CHN1: variants seen among roughly 807,000 people sequenced by gnomAD.
The protein encoded by CHN1 is chimerin 1, also known as N-chimaerin.
In CHN1, 37 loss-of-function variants were observed where a neutral mutation model predicts 59.5. That is an observed-to-expected ratio of 0.62 (90% CI 0.48 to 0.82). CHN1 has a LOEUF of 0.82. Among genes scored for constraint, CHN1 ranks in the 40% least tolerant of loss-of-function variants. The pLI is 0.00. For missense variants in CHN1, 469 were observed against 571.0 expected (o/e 0.82, Z 1.82); for synonymous variants, 206 against 200.4 (o/e 1.03, Z -0.24).
chr2:174,962,920 T>A (rs1023942931), intron 1 of CHN1, among the ~76,000 whole-genome samples: 23 of 152,158 alleles, frequency 1.5e-4, no homozygotes, highest in Admixed American at 2.0e-4. Flanking sequence ...AAAAAATAAT[T>A]ATTATTATTA....
Position 174,968,556 on chromosome 2 carries a change from G to A in CHN1, c.20-16354C>T, listed in dbSNP as rs532496448. ...ATACACAACAGAATAAGTTGCCAAG[G>A]GGCAAAAACTCTTTATAAATGAGAA... On this transcript the variant is annotated intron_variant, in intron 1 of 12. Transcript: ENST00000409900. Among the ~76,000 whole-genome samples, 3 of 152,344 alleles carry A rather than the reference G, an allele frequency of 2.0e-5. 1 individual carries two copies. The South Asian group carries it at 6.2e-4, about 32-fold the overall frequency.
chr2:174,977,624 G>C (rs1690990164), intron 1 of CHN1, among the ~76,000 whole-genome samples: 1 of 152,176 alleles, frequency 6.6e-6, no homozygotes, highest in Admixed American at 6.5e-5. Context: ...TCTTTTGTTT[G>C]ATTTTTATGT....
intron 1 of CHN1, among the ~76,000 whole-genome samples, chr2:174,998,312 A>AAAC (rs1447921875): frequency 6.7e-6 from 1 of 150,304 alleles, no homozygotes; most frequent in African/African-American, 2.5e-5. Context: ...CAAAAAAAAA[A>AAAC]AAAAAAAAAA....
In CHN1 at chr2:175,002,363, T is replaced by A. The variant is rs561139080; in HGVS notation, c.19+2531A>T. Reference sequence around the variant, plus strand: ...ATAAAACTAATATGCATTAAAAATATGTTAAGCAGCAAAGGTGATTAACAG... The same window carrying A: ...ATAAAACTAATATGCATTAAAAATAAGTTAAGCAGCAAAGGTGATTAACAG... On this transcript the variant is annotated intron_variant, in intron 1 of 12. Transcript: ENST00000409900. 5.3e-5 allele frequency among the ~76,000 whole-genome samples: 8 copies of A among 152,338 alleles called. No homozygotes were observed. In the South Asian group the frequency reaches 1.7e-3, roughly 32 times the overall value.
intron 6 of CHN1, among the ~76,000 whole-genome samples, chr2:174,849,201 A>C (rs1686646254): frequency 1.3e-5 from 2 of 152,328 alleles, no homozygotes; most frequent in African/African-American, 4.8e-5. Flanking sequence ...CTACAGCTAT[A>C]GTTACTAAAA....
In CHN1 at chr2:174,808,972, C is replaced by G; in HGVS notation, c.1035G>C (p.Leu345=). Residue 345 remains leucine, a synonymous_variant, in exon 11 of 13, where the codon CTG becomes CTC. Coordinates refer to ENST00000409900, the MANE Select transcript of CHN1 (RefSeq NM_001822.7). ...GTGGAATTGGCAAATCCCTGAAGTA[C>G]AGTTTAAGTGCACCAGTGATAATGT... ...DINIITGALK[L]YFRDLPIPLI... 1.2e-6 allele frequency: 2 copies of G among 1,613,414 alleles called. No individual in the cohort carries two copies. Among genetic ancestry groups the G allele is most frequent in the Non-Finnish European group, 1.7e-6 (2 of 1,179,468 alleles).
chr2:174,961,157 G>C (rs1400279216), intron 1 of CHN1, among the ~76,000 whole-genome samples: 12 of 141,854 alleles, frequency 8.5e-5, no homozygotes, highest in Non-Finnish European at 1.8e-4. Flanking sequence ...GAGGGAGGGA[G>C]GCAGGGAGGG....
At chr2:174,928,229 G>A (rs1380732414) in intron 3 of CHN1, among the ~76,000 whole-genome samples, 1 of 152,094 alleles carries the variant, frequency 6.6e-6, no homozygotes, top group Non-Finnish European at 1.5e-5. Flanking sequence ...CTGCCTCGTG[G>A]CTTAGGAAAA....
At chr2:174,879,293 A>C (rs1431282913) in intron 5 of CHN1, among the ~76,000 whole-genome samples, 1 of 152,226 alleles carries the variant, frequency 6.6e-6, no homozygotes, top group Non-Finnish European at 1.5e-5. Flanking sequence ...TAAAGTATGG[A>C]AAGGAAATAA....
intron 1 of CHN1, among the ~76,000 whole-genome samples, chr2:174,983,565 C>T (rs1280723556): frequency 6.6e-6 from 1 of 152,028 alleles, no homozygotes; most frequent in African/African-American, 2.4e-5. Context: ...CACGGTGGCT[C>T]ATGCTTGTAA....
chr2:174,878,835 T>G (rs1687651707), intron 5 of CHN1, among the ~76,000 whole-genome samples: 1 of 152,268 alleles, frequency 6.6e-6, no homozygotes, highest in African/African-American at 2.4e-5. Context: ...GTTTTCAATT[T>G]TATGTTCTGA....
intron 11 of CHN1, among the ~76,000 whole-genome samples, chr2:174,806,603 G>T (rs1684892718): frequency 6.6e-6 from 1 of 152,186 alleles, no homozygotes. Context: ...CCTTAGAGGT[G>T]TGTGTGAATG....
chr2:174,897,321 G>A (rs1335478418), intron 5 of CHN1, among the ~76,000 whole-genome samples: 1 of 152,128 alleles, frequency 6.6e-6, no homozygotes, highest in Non-Finnish European at 1.5e-5. Flanking sequence ...TGGCAGAGCA[G>A]AAGCCTGTCC....
intron 7 of CHN1, among the ~76,000 whole-genome samples, chr2:174,830,571 A>T (rs1396033302): frequency 6.6e-6 from 1 of 152,198 alleles, no homozygotes; most frequent in Non-Finnish European, 1.5e-5. Flanking sequence ...TATGCTGGCC[A>T]TTCCTAGTCT....
chr2:174,996,967 A>G (rs958571733), intron 1 of CHN1, among the ~76,000 whole-genome samples: 4 of 152,146 alleles, frequency 2.6e-5, no homozygotes, highest in African/African-American at 9.7e-5. Context: ...CGACATTGTG[A>G]GACAGGTAAC....
At chr2:174,850,102 C>T (rs1406447334) in intron 6 of CHN1, among the ~76,000 whole-genome samples, 1 of 152,188 alleles carries the variant, frequency 6.6e-6, no homozygotes, top group Non-Finnish European at 1.5e-5. Context: ...CAAACACCCC[C>T]TCCTACGTGA....
intron 1 of CHN1, among the ~76,000 whole-genome samples, chr2:175,002,426 T>G (rs1691920977): frequency 6.6e-6 from 1 of 152,182 alleles, no homozygotes; most frequent in African/African-American, 2.4e-5. Flanking sequence ...CTATTCAGCT[T>G]AATTTAACAA....
At chr2:174,988,018 T>C (rs1389666387) in intron 1 of CHN1, among the ~76,000 whole-genome samples, 1 of 151,984 alleles carries the variant, frequency 6.6e-6, no homozygotes. Flanking sequence ...AACACTAACA[T>C]GCTAGTACAT....
chr2:174,936,394 C>T (rs1689496835), intron 3 of CHN1, among the ~76,000 whole-genome samples: 1 of 152,164 alleles, frequency 6.6e-6, no homozygotes, highest in African/African-American at 2.4e-5. Context: ...TGGAGCTTCT[C>T]TCATATCTCT....
Sources: allele counts gnomAD v4.1 joint callset (sites outside exome capture counted in the v4.1 genomes callset), GRCh38; gene constraint gnomAD v4.1.1; transcripts MANE v1.5; gene names NCBI Gene and HGNC (gene_info 2026-07-23, HGNC 2026-07-21).